BTRC: variants seen among roughly 807,000 people sequenced by gnomAD.
BTRC encodes beta-transducin repeat containing E3 ubiquitin protein ligase.
Under a neutral mutation model 85.5 loss-of-function variants are expected in BTRC, and 42 were observed. The observed-to-expected ratio is 0.49, with a 90% CI of 0.38 to 0.64. The LOEUF (loss-of-function observed/expected upper bound fraction) is 0.64. Among genes scored for constraint, BTRC ranks in the 30% least tolerant of loss-of-function variants. BTRC has a pLI of 0.00. For missense variants in BTRC, 594 were observed against 743.5 expected (o/e 0.80, Z 2.34); for synonymous variants, 255 against 263.3 (o/e 0.97, Z 0.30).
In BTRC at chr10:101,475,922, CATATAT is replaced by C. The variant is rs71016324; in HGVS notation, c.235-3419_235-3414del. 7.7e-3 allele frequency among the ~76,000 whole-genome samples: 523 copies of C among 67,564 alleles called. 22 individuals are homozygous for C. The highest frequency in any genetic ancestry group is 0.049 in the East Asian group (106 of 2,184). 44.3% of individuals were successfully genotyped at this position (67,564 alleles called of 152,430 possible). On this transcript the variant is annotated intron_variant, in intron 3 of 14. Transcript: ENST00000370187. The stretch of plus-strand genomic sequence containing the variant: ...TTTGCATAGTCTCCAAGTATTTTGC[CATATAT>C]ATATATATATATATATATATATATA...
At chr10:101,417,958 G>C (rs1031932092) in intron 1 of BTRC, among the ~76,000 whole-genome samples, 8 of 152,132 alleles carry the variant, frequency 5.3e-5, no homozygotes, top group African/African-American at 1.7e-4. Flanking sequence ...CTTGTCCCCA[G>C]TTTATTTTTT....
chr10:101,545,289 T>C (rs899992374), intron 13 of BTRC, among the ~76,000 whole-genome samples: 1 of 152,200 alleles, frequency 6.6e-6, no homozygotes, highest in Non-Finnish European at 1.5e-5. Context: ...ATTAAAAAAA[T>C]AGAAATTGTC....
intron 2 of BTRC, among the ~76,000 whole-genome samples, chr10:101,443,255 A>G (rs1174202447): frequency 6.6e-6 from 1 of 152,164 alleles, no homozygotes; most frequent in Non-Finnish European, 1.5e-5. Flanking sequence ...CTCCTAAGTG[A>G]AGTCAGTTAT....
At chr10:101,378,686 G>A (rs1051477693) in intron 1 of BTRC, among the ~76,000 whole-genome samples, 17 of 151,752 alleles carry the variant, frequency 1.1e-4, no homozygotes, top group Non-Finnish European at 1.9e-4. Context: ...CACCACGCCC[G>A]GCTAATTTTT....
intron 4 of BTRC, among the ~76,000 whole-genome samples, chr10:101,509,511 C>T (rs1946639118): frequency 6.7e-6 from 1 of 149,878 alleles, no homozygotes; most frequent in Non-Finnish European, 1.5e-5. Context: ...GCCTCGGCCT[C>T]CCAAAGTGCT....
intron 2 of BTRC, among the ~76,000 whole-genome samples, chr10:101,459,078 G>A (rs1419948963): frequency 3.3e-5 from 5 of 152,144 alleles, no homozygotes; most frequent in African/African-American, 7.2e-5. Flanking sequence ...GGGATTACAC[G>A]CATATGCCAA....
intron 2 of BTRC, among the ~76,000 whole-genome samples, chr10:101,442,512 A>T (rs1429350248): frequency 1.3e-5 from 2 of 152,196 alleles, no homozygotes; most frequent in Non-Finnish European, 2.9e-5. Flanking sequence ...GTAATTCTAA[A>T]TTGAAAAGGA....
At chr10:101,404,030 ATTTT>A (rs1160307747) in intron 1 of BTRC, among the ~76,000 whole-genome samples, 2 of 25,424 alleles carry the variant, frequency 7.9e-5, no homozygotes, top group East Asian at 3.0e-3. Flanking sequence ...ATATATATAT[ATTTT>A]TTTTTTTTTT....
chr10:101,516,481 T>C (rs2062025327), intron 4 of BTRC, among the ~76,000 whole-genome samples: 1 of 152,172 alleles, frequency 6.6e-6, no homozygotes, highest in South Asian at 2.1e-4. Flanking sequence ...TTAATGGATC[T>C]CAGGTATGTG....
Position 101,550,773 on chromosome 10 carries a change from C to T in BTRC, c.1731C>T (p.Ile577=). The T allele has an allele frequency of 6.2e-7, 1 of 1,614,028 alleles. No individual in the cohort carries two copies. Among genetic ancestry groups the T allele is most frequent in the Non-Finnish European group, 8.5e-7 (1 of 1,179,958 alleles). Residue 577 remains isoleucine, a synonymous_variant, in exon 14 of 15, where the codon ATC becomes ATT. Coordinates refer to ENST00000370187, the MANE Select transcript of BTRC (RefSeq NM_033637.4). ...TCAGTAGTTCACATGATGACACAAT[C>T]CTCATCTGGGACTTCCTAAATGATC... The part of the protein sequence containing the change: ...QIVSSSHDDT[I]LIWDFLNDPA...
chr10:101,536,705 C>T (rs1297380666), intron 12 of BTRC, 52 bp downstream of exon 12: 3 of 1,373,062 alleles, frequency 2.2e-6, no homozygotes, highest in Non-Finnish European at 3.1e-6. Flanking sequence ...CTTAATCCTT[C>T]CTTATGTTTA....
At chr10:101,439,256 A>G (rs909087640) in intron 2 of BTRC, among the ~76,000 whole-genome samples, 4 of 152,206 alleles carry the variant, frequency 2.6e-5, no homozygotes, top group African/African-American at 9.7e-5. Flanking sequence ...TGAGCGCTTC[A>G]TCCTGGGCTG....
At chr10:101,548,543 G>C (rs2062594871) in intron 13 of BTRC, among the ~76,000 whole-genome samples, 2 of 152,146 alleles carry the variant, frequency 1.3e-5, no homozygotes, top group Non-Finnish European at 2.9e-5. Flanking sequence ...CCTGAGCTCA[G>C]CAGTTGGAGA....
chr10:101,521,734 C>T lies in BTRC; in HGVS notation c.420C>T (p.Tyr140=). The part of the protein sequence containing the change: ...YEKEKELCVK[Y]FEQWSESDQV... Reference sequence around the variant, plus strand: ...AGGAAAAGGAACTGTGTGTCAAATACTTTGAGCAGTGGTCAGAGTCAGATC... The same window carrying T: ...AGGAAAAGGAACTGTGTGTCAAATATTTTGAGCAGTGGTCAGAGTCAGATC... Residue 140 remains tyrosine (Y), a synonymous_variant, in exon 5 of 15, where the codon TAC becomes TAT. Transcript: ENST00000370187. The T allele has an allele frequency of 6.2e-7, 1 of 1,614,164 alleles. No individual in the cohort carries two copies. Among genetic ancestry groups the T allele is most frequent in the Non-Finnish European group, 8.5e-7 (1 of 1,180,006 alleles).
chr10:101,540,869 T>C (rs1296518439), intron 13 of BTRC, among the ~76,000 whole-genome samples: 1 of 152,214 alleles, frequency 6.6e-6, no homozygotes, highest in Admixed American at 6.5e-5. Flanking sequence ...ATTGAGTCTT[T>C]ATCTCTCCAT....
intron 1 of BTRC, among the ~76,000 whole-genome samples, chr10:101,394,373 C>T (rs1050162265): frequency 6.6e-6 from 1 of 152,100 alleles, no homozygotes; most frequent in Non-Finnish European, 1.5e-5. Flanking sequence ...GTAGATGTTG[C>T]TTAAAATCAT....
chr10:101,516,525 A>C (rs557914974), intron 4 of BTRC, among the ~76,000 whole-genome samples: 3 of 152,298 alleles, frequency 2.0e-5, no homozygotes, highest in African/African-American at 7.2e-5. Flanking sequence ...ACTCGTTTTG[A>C]GGGGTGGTGA....
At chr10:101,498,018 CTTAA>C (rs757908721) in intron 4 of BTRC, among the ~76,000 whole-genome samples, 3 of 152,018 alleles carry the variant, frequency 2.0e-5, no homozygotes, top group East Asian at 1.9e-4. Flanking sequence ...GACTCCGTCT[CTTAA>C]TTAATTAATT....
rs1438732605 is a variant in BTRC at position 101,522,481 on chromosome 10, C to T, written c.556+611C>T. On this transcript the variant is annotated intron_variant, in intron 5 of 14. Coordinates refer to ENST00000370187, the MANE Select transcript of BTRC (RefSeq NM_033637.4). ...TGTCACCCAGGCTGGAGTGCAGTGGCGCGATCTCGGCTCATTGCAACCTCT... is the reference window on the plus strand; with the variant it reads ...TGTCACCCAGGCTGGAGTGCAGTGGTGCGATCTCGGCTCATTGCAACCTCT... Among the ~76,000 whole-genome samples the T allele has an allele frequency of 8.2e-5, 9 of 109,920 alleles. No individual in the cohort carries two copies. The East Asian group carries it at 1.9e-3, about 24-fold the overall frequency. The allele number at this position is 109,920 out of a possible 152,430, so 72.1% of individuals were successfully genotyped here. A position where few individuals can be genotyped will look rare whatever the true frequency, so the allele number is the denominator to read the frequency against.
Sources: allele counts gnomAD v4.1 joint callset (sites outside exome capture counted in the v4.1 genomes callset), GRCh38; gene constraint gnomAD v4.1.1; transcripts MANE v1.5; gene names NCBI Gene and HGNC (gene_info 2026-07-23, HGNC 2026-07-21).